Variants in SHLD1 observed in about 807,000 individuals in gnomAD.
The protein encoded by SHLD1 is shieldin complex subunit 1, also known as RINN1-REV7-interacting novel NHEJ regulator 3.
A neutral mutation model predicts 5.5 loss-of-function variants in SHLD1; 3 were observed. The ratio of observed to expected loss-of-function variants is 0.54; its 90% CI spans 0.25 to 1.40. The LOEUF is 1.40. SHLD1 is among the 40% of genes most tolerant of loss of function. SHLD1 has a pLI of 0.15. For missense variants in SHLD1, 210 were observed against 244.4 expected, an observed-to-expected ratio of 0.86 and a Z score of 0.94; for synonymous variants, 92 against 94.3, an observed-to-expected ratio of 0.98 and a Z score of 0.14.
At chr20:5,823,725 G>A (rs2087634336) in intron 2 of SHLD1, among the ~76,000 whole-genome samples, 1 of 152,152 alleles carries the variant, frequency 6.6e-6, no homozygotes, top group Admixed American at 6.5e-5. Flanking sequence ...TGGGATTACA[G>A]GCATGAGTCA....
At chr20:5,815,509 C>A (rs2087517913) in intron 2 of SHLD1, among the ~76,000 whole-genome samples, 1 of 152,102 alleles carries the variant, frequency 6.6e-6, no homozygotes, top group African/African-American at 2.4e-5. Context: ...CAATTCTGAC[C>A]CTATGCCTGT....
chr20:5,784,738 C>T (rs2087037279), intron 2 of SHLD1, among the ~76,000 whole-genome samples: 1 of 152,186 alleles, frequency 6.6e-6, no homozygotes, highest in Admixed American at 6.5e-5. Context: ...GCGTGAGCCA[C>T]CGCGCCCGGC....
intron 2 of SHLD1, among the ~76,000 whole-genome samples, chr20:5,822,565 T>C (rs956830300): frequency 2.6e-5 from 4 of 152,088 alleles, no homozygotes; most frequent in Non-Finnish European, 5.9e-5. Flanking sequence ...TGTCCCTAAG[T>C]CCCAGCAGTG....
rs6053721 is a variant in SHLD1 at position 5,806,719 on chromosome 20, A to G, written c.178+33676A>G. 3.0e-4 allele frequency among the ~76,000 whole-genome samples: 45 copies of G among 152,306 alleles called. No homozygotes were observed. The highest frequency in any genetic ancestry group is 1.1e-3 in the African/African-American group (45 of 41,568). ...GAATGAAGGGAGAGTTGGCTTTGTT[A>G]ACCACCTTGGCTGCCCGTGATGCAC... On this transcript the variant is annotated intron_variant, in intron 2 of 2. Transcript: ENST00000303142. This position sits in a 1 kb window ranked among gnomAD's most constrained non-coding sequence, Gnocchi z 7.6.
intron 2 of SHLD1, among the ~76,000 whole-genome samples, chr20:5,828,875 T>C (rs562737778): frequency 4.5e-4 from 68 of 152,156 alleles, no homozygotes; most frequent in Non-Finnish European, 9.0e-4. Context: ...ATTATTATTG[T>C]CATTATTATT....
intron 2 of SHLD1, among the ~76,000 whole-genome samples, chr20:5,801,014 T>C (rs987929799): frequency 6.6e-6 from 1 of 151,986 alleles, no homozygotes; most frequent in Non-Finnish European, 1.5e-5. Flanking sequence ...CTATTTCTCA[T>C]TCATGCTCAT....
At chr20:5,805,377 G>A (rs1241258432) in intron 2 of SHLD1, among the ~76,000 whole-genome samples, 1 of 151,976 alleles carries the variant, frequency 6.6e-6, no homozygotes, top group Non-Finnish European at 1.5e-5. Flanking sequence ...GGCTGGTCTT[G>A]AACTCCAGAC....
rs1339488888 is a variant in SHLD1, at chr20:5,780,045, C to G, written c.178+7002C>G. On this transcript the variant is annotated intron_variant, in intron 2 of 2. Coordinates refer to ENST00000303142, the MANE Select transcript of SHLD1 (RefSeq NM_152504.4). The stretch of plus-strand genomic sequence containing the variant: ...CCAGGCTGGAGTGCAGTGGTGCAAT[C>G]TCAGCTCACTGCAACCTCTGCTTCC... Among the ~76,000 whole-genome samples the G allele has an allele frequency of 2.6e-4, 33 of 127,272 alleles. No homozygotes were observed. In the Admixed American group the frequency reaches 3.3e-3, roughly 13 times the overall value. 83.5% of individuals were successfully genotyped at this position (127,272 alleles called of 152,430 possible). A position where few individuals can be genotyped will look rare whatever the true frequency, so the allele number is the denominator to read the frequency against.
intron 2 of SHLD1, among the ~76,000 whole-genome samples, chr20:5,852,275 G>C (rs2088020889): frequency 6.6e-6 from 1 of 152,088 alleles, no homozygotes. Flanking sequence ...GTGATTTTCT[G>C]CTTATGGATC....
intron 2 of SHLD1, among the ~76,000 whole-genome samples, chr20:5,794,770 T>C (rs1240243129): frequency 6.6e-6 from 1 of 152,190 alleles, no homozygotes; most frequent in East Asian, 1.9e-4. Flanking sequence ...AGATACTATG[T>C]TTATTAGACG....
At chr20:5,842,290 A>G (rs889219160) in intron 2 of SHLD1, among the ~76,000 whole-genome samples, 3 of 152,214 alleles carry the variant, frequency 2.0e-5, no homozygotes, top group Non-Finnish European at 4.4e-5. Context: ...ACATCAGCCT[A>G]AGTGGTAAGA....
intron 2 of SHLD1, among the ~76,000 whole-genome samples, chr20:5,825,838 G>A (rs547180158): frequency 6.1e-4 from 93 of 152,320 alleles, no homozygotes; most frequent in Non-Finnish European, 1.1e-3. Flanking sequence ...CTTATCTGCT[G>A]CAAGAGACCT....
At chr20:5,856,976 T>C (rs548908678) in intron 2 of SHLD1, among the ~76,000 whole-genome samples, 2 of 152,298 alleles carry the variant, frequency 1.3e-5, no homozygotes, top group South Asian at 2.1e-4. Context: ...TTTTTGTTTC[T>C]ATTTTGTTTT....
intron 2 of SHLD1, among the ~76,000 whole-genome samples, chr20:5,859,539 G>C (rs192336265): frequency 3.3e-5 from 5 of 152,146 alleles, no homozygotes; most frequent in Non-Finnish European, 7.4e-5. Flanking sequence ...CACTGAGCAC[G>C]AACTGACTAG....
intron 2 of SHLD1, among the ~76,000 whole-genome samples, chr20:5,774,978 G>T (rs182486611): frequency 6.6e-6 from 1 of 152,204 alleles, no homozygotes; most frequent in East Asian, 1.9e-4. Context: ...CATCATCCCT[G>T]GGTAGCAACA....
chr20:5,807,955 C>A (rs142484623), intron 2 of SHLD1, among the ~76,000 whole-genome samples: 1 of 151,992 alleles, frequency 6.6e-6, no homozygotes, highest in Non-Finnish European at 1.5e-5. Context: ...TTTAAAAAAT[C>A]GTTATAAAAA....
intron 1 of SHLD1, chr20:5,771,891 T>TTTTTTA: frequency 5.9e-6 from 1 of 170,824 alleles, no homozygotes; most frequent in South Asian, 8.7e-5. Flanking sequence ...TTTTTTTTTT[T>TTTTTTA]GAGATGGAGG....
At chr20:5,843,154 C>T (rs2087886675) in intron 2 of SHLD1, among the ~76,000 whole-genome samples, 1 of 152,108 alleles carries the variant, frequency 6.6e-6, no homozygotes, top group African/African-American at 2.4e-5. Flanking sequence ...TTTACGCTTG[C>T]TTTCACTAGA....
intron 1 of SHLD1, among the ~76,000 whole-genome samples, chr20:5,755,175 A>G (rs1984001220): frequency 6.6e-6 from 1 of 152,222 alleles, no homozygotes; most frequent in Non-Finnish European, 1.5e-5. Context: ...TAGGTACTAA[A>G]TATCTCTTAC....
Sources: gnomAD v4.1 joint callset for allele counts (sites outside exome capture counted in the v4.1 genomes callset) on GRCh38, gnomAD v4.1.1 for gene constraint, Gnocchi (gnomAD v3.1) non-coding constraint, MANE v1.5 for transcripts, NCBI Gene and HGNC (gene_info 2026-07-23, HGNC 2026-07-21) for gene names.